TNRC6B: variants seen among roughly 807,000 people sequenced by gnomAD.
TNRC6B encodes trinucleotide repeat-containing gene 6B protein.
Under a neutral mutation model 203.6 loss-of-function variants are expected in TNRC6B, and 52 were observed. The observed-to-expected ratio is 0.26, with a 90% confidence interval of 0.20 to 0.32. TNRC6B has a LOEUF of 0.32. Ranked by LOEUF, TNRC6B falls within the 10% of genes least tolerant of loss-of-function variation. TNRC6B has a pLI of 1.00. For synonymous variants in TNRC6B, 838 were observed against 845.7 expected (o/e 0.99, Z 0.16); for missense variants, 1,923 against 2,286.2 (o/e 0.84, Z 3.24).
chr22:40,301,654 T>C (rs2071025466), intron 15 of TNRC6B, among the ~76,000 whole-genome samples: 1 of 152,192 alleles, frequency 6.6e-6, no homozygotes, highest in Non-Finnish European at 1.5e-5. Flanking sequence ...ATAGCACATA[T>C]CAGAATTCAT....
At chr22:40,191,635 G>A (rs1384050214) in intron 1 of TNRC6B, among the ~76,000 whole-genome samples, 2 of 152,206 alleles carry the variant, frequency 1.3e-5, no homozygotes, top group Non-Finnish European at 1.5e-5. Context: ...AGGCTGGAGT[G>A]CAATAGTGTG....
chr22:40,321,313 T>TG lies in TNRC6B; in HGVS notation c.5114+85dup, dbSNP rs2071331105. 2.7e-6 allele frequency: 4 copies of TG among 1,494,580 alleles called. No individual in the cohort carries two copies. The East Asian group carries it at 6.9e-5, about 26-fold the overall frequency. The allele number at this position is 1,494,580 out of a possible 1,614,324, so 92.6% of individuals were successfully genotyped here. A position where few individuals can be genotyped will look rare whatever the true frequency, so the allele number is the denominator to read the frequency against. Reference sequence around the variant, plus strand: ...ATTCTGGCAGCTGCTGAATTAAAGATGCACCAGAACATATACGAAGAATGG... The same window carrying TG: ...ATTCTGGCAGCTGCTGAATTAAAGATGGCACCAGAACATATACGAAGAATGG... On this transcript the variant is annotated intron_variant, in intron 22 of 22. Transcript: ENST00000454349.
chr22:40,229,469 T>A (rs1035627540), intron 1 of TNRC6B, among the ~76,000 whole-genome samples: 12 of 151,982 alleles, frequency 7.9e-5, no homozygotes, highest in Non-Finnish European at 1.6e-4. Context: ...TCTCTCTTCT[T>A]TGTTTTTCCT....
chr22:40,134,919 T>C (rs8136580), intron 3 of TNRC6B, among the ~76,000 whole-genome samples: 27,362 of 152,138 alleles, frequency 0.18, 3,230 homozygotes, highest in Admixed American at 0.32. Context: ...CATAATTCTG[T>C]GTTTTCCTGG....
intron 1 of TNRC6B, among the ~76,000 whole-genome samples, chr22:40,053,009 G>A (rs2067763006): frequency 6.6e-6 from 1 of 152,090 alleles, no homozygotes; most frequent in African/African-American, 2.4e-5. Flanking sequence ...TGGTATATTT[G>A]CTTGGTTGTC....
chr22:40,211,179 C>T (rs970655855), intron 1 of TNRC6B, among the ~76,000 whole-genome samples: 7 of 152,102 alleles, frequency 4.6e-5, no homozygotes, highest in African/African-American at 1.7e-4. Context: ...GTGGCATGCT[C>T]CTGGCTCACT....
At chr22:40,315,767 A>G (rs2071249234) in intron 20 of TNRC6B, among the ~76,000 whole-genome samples, 175 bp from the exon 21 acceptor site, 1 of 152,202 alleles carries the variant, frequency 6.6e-6, no homozygotes, top group African/African-American at 2.4e-5. Context: ...ATCAGGCATA[A>G]AAGTGCATAG....
Position 40,267,018 on chromosome 22 carries a change from A to G in TNRC6B, c.2788A>G (p.Thr930Ala). 1.2e-6 allele frequency: 2 copies of G among 1,601,876 alleles called. No homozygotes were observed. The highest frequency in any genetic ancestry group is 1.1e-5 in the South Asian group (1 of 89,478). Residue 930 changes from threonine to alanine, a missense_variant, in exon 5 of 23, where the codon ACC (threonine) becomes GCC (alanine). Physicochemically the swap from Thr to Ala is moderately conservative, Grantham distance 58. Around this residue, in one of 8 missense-constraint regions of TNRC6B, gnomAD observed 599 missense variants for 656.5 expected, o/e 0.91. Coordinates refer to ENST00000454349, the MANE Select transcript of TNRC6B (RefSeq NM_001162501.2). ...PREPNLPTPM[T>A]SKSASVWSKS... ...AGAACCAAACCTGCCCACCCCAATG[A>G]CCAGTAAATCGGCATCAGGTAAGCA...
intron 1 of TNRC6B, among the ~76,000 whole-genome samples, chr22:40,049,208 C>T (rs1420529257): frequency 6.6e-6 from 1 of 152,020 alleles, no homozygotes; most frequent in Non-Finnish European, 1.5e-5. Flanking sequence ...CTGTGTTAGC[C>T]AGGATGGTCT....
chr22:40,166,906 A>AG (rs968540099), intron 4 of TNRC6B, among the ~76,000 whole-genome samples: 8 of 151,802 alleles, frequency 5.3e-5, no homozygotes, highest in Non-Finnish European at 1.2e-4. Flanking sequence ...AAAAAAAAAA[A>AG]AAGAAAAAAT....
At chr22:40,168,648 A>G (rs1196321139) in intron 4 of TNRC6B, among the ~76,000 whole-genome samples, 1 of 152,206 alleles carries the variant, frequency 6.6e-6, no homozygotes, top group African/African-American at 2.4e-5. Context: ...AGTTTTGGCT[A>G]TTATTTCTAT....
chr22:40,214,384 G>A (rs888772172), intron 1 of TNRC6B, among the ~76,000 whole-genome samples: 2 of 152,088 alleles, frequency 1.3e-5, no homozygotes, highest in African/African-American at 4.8e-5. Flanking sequence ...ACACATAAAC[G>A]AGAGCCTGTC....
chr22:40,211,664 T>C (rs1284089838), intron 1 of TNRC6B, among the ~76,000 whole-genome samples: 2 of 152,198 alleles, frequency 1.3e-5, no homozygotes, highest in Non-Finnish European at 2.9e-5. Context: ...CGTGCTTGCA[T>C]GTGCTTTGCT....
intron 1 of TNRC6B, among the ~76,000 whole-genome samples, chr22:40,105,478 A>G (rs1331502183): frequency 1.3e-5 from 2 of 151,634 alleles, no homozygotes; most frequent in Non-Finnish European, 1.5e-5. Context: ...TGATTTCTTT[A>G]TTTTCCTTTC....
intron 2 of TNRC6B, among the ~76,000 whole-genome samples, chr22:40,122,747 G>A (rs1304551218): frequency 6.6e-6 from 1 of 152,182 alleles, no homozygotes; most frequent in Non-Finnish European, 1.5e-5. Flanking sequence ...GAAAGAATAA[G>A]AATTCAGAGT....
chr22:40,067,465 G>A (rs182322727), intron 1 of TNRC6B, among the ~76,000 whole-genome samples: 3 of 152,232 alleles, frequency 2.0e-5, no homozygotes, highest in Admixed American at 2.0e-4. Context: ...TTTAGTAGGA[G>A]AATTGGCTCC....
chr22:40,259,262 T>C (rs1272981404), intron 3 of TNRC6B, among the ~76,000 whole-genome samples: 1 of 152,108 alleles, frequency 6.6e-6, no homozygotes, highest in Non-Finnish European at 1.5e-5. Context: ...TCTTGCTCTG[T>C]GGCCCAGGCT....
intron 1 of TNRC6B, among the ~76,000 whole-genome samples, chr22:40,187,881 G>T (rs181046404): frequency 1.3e-5 from 2 of 152,314 alleles, no homozygotes; most frequent in Admixed American, 1.3e-4. Flanking sequence ...CTGCTTTGCA[G>T]CTGTTAACTA....
Position 40,333,957 on chromosome 22 carries a change from C to G in TNRC6B, c.*10716C>G, listed in dbSNP as rs779095990. ...CAAGAAGCCCTTTTCAGTTGGATCT[C>G]ACTGATCTTGTATAGTGACGACTTC... On this transcript the variant is annotated 3_prime_UTR_variant, in exon 23 of 23. Transcript: ENST00000454349. 5 of 152,606 alleles carry G rather than the reference C, an allele frequency of 3.3e-5. No homozygotes were observed. Among genetic ancestry groups the G allele is most frequent in the Non-Finnish European group, 5.9e-5 (4 of 68,060 alleles). 9.5% of individuals were successfully genotyped at this position (152,606 alleles called of 1,614,324 possible). A position where few individuals can be genotyped will look rare whatever the true frequency, so the allele number is the denominator to read the frequency against.
Sources: allele counts gnomAD v4.1 joint callset (sites outside exome capture counted in the v4.1 genomes callset), GRCh38; gene constraint gnomAD v4.1.1; regional missense constraint gnomAD v4.1.1; transcripts MANE v1.5; gene names NCBI Gene and HGNC (gene_info 2026-07-23, HGNC 2026-07-21).